The following RFX7 variants were observed in gnomAD, a reference collection of about 807,000 sequenced individuals.
The protein encoded by RFX7 is DNA-binding protein RFX7.
In RFX7, 26 loss-of-function variants were observed where a neutral mutation model predicts 111.8. That is an observed-to-expected ratio of 0.23 (90% confidence interval 0.17 to 0.32). RFX7 has a LOEUF of 0.32. Among genes scored for constraint, RFX7 ranks in the 10% least tolerant of loss-of-function variants. The probability of loss-of-function intolerance (pLI) is 1.00; values close to 1 mark genes in which losing one functional copy is unlikely to be tolerated. For synonymous variants in RFX7, 624 were observed against 624.4 expected (o/e 1.00, Z 0.01); for missense variants, 1,573 against 1,772.9 (o/e 0.89, Z 2.02).
chr15:56,143,264 T>A (rs373717743), intron 4 of RFX7, among the ~76,000 whole-genome samples: 1 of 152,096 alleles, frequency 6.6e-6, no homozygotes, highest in African/African-American at 2.4e-5. Flanking sequence ...AAAAATTGCT[T>A]ATTTCTATTT....
chr15:56,087,528 C>G lies in RFX7; in HGVS notation c.*5817G>C, dbSNP rs2041543102. ...AAGAACACTGCAAAGAAGTAGCACC[C>G]AAACCTTTTGGTTACATCTCTTTGA... On this transcript the variant is annotated 3_prime_UTR_variant, in exon 10 of 10. Transcript: ENST00000559447. The G allele has an allele frequency of 2.2e-6, 1 of 456,554 alleles. No individual in the cohort carries two copies. The highest frequency in any genetic ancestry group is 4.4e-6 in the Non-Finnish European group (1 of 226,950). 28.3% of individuals were successfully genotyped at this position (456,554 alleles called of 1,614,324 possible).
chr15:56,177,862 T>G (rs1015939087), intron 3 of RFX7, among the ~76,000 whole-genome samples: 12 of 152,100 alleles, frequency 7.9e-5, no homozygotes, highest in Admixed American at 2.0e-4. Flanking sequence ...GAGGAAATGC[T>G]CTGGGGGTTG....
intron 2 of RFX7, among the ~76,000 whole-genome samples, chr15:56,183,106 G>A (rs2042994087): frequency 6.6e-6 from 1 of 151,928 alleles, no homozygotes; most frequent in Admixed American, 6.6e-5. Flanking sequence ...TACTAGCAAT[G>A]TTGTGTGCCT....
At chr15:56,115,539 C>T (rs1265690524) in intron 5 of RFX7, among the ~76,000 whole-genome samples, 1 of 152,192 alleles carries the variant, frequency 6.6e-6, no homozygotes, top group Non-Finnish European at 1.5e-5. Context: ...AAGACACACA[C>T]ACACATATGT....
At chr15:56,180,926 TAAAAC>T (rs1472260248) in intron 2 of RFX7, among the ~76,000 whole-genome samples, 21 of 151,832 alleles carry the variant, frequency 1.4e-4, no homozygotes, top group African/African-American at 5.1e-4. Flanking sequence ...CCAAAAAAAA[TAAAAC>T]AAAATAAAGA....
At chr15:56,161,931 A>G (rs1223569098) in intron 3 of RFX7, among the ~76,000 whole-genome samples, 1 of 152,060 alleles carries the variant, frequency 6.6e-6, no homozygotes, top group African/African-American at 2.4e-5. Context: ...TTCTACAAAA[A>G]CTGACCATCA....
chr15:56,140,142 GC>G (rs1431807607), intron 5 of RFX7, among the ~76,000 whole-genome samples: 4 of 152,150 alleles, frequency 2.6e-5, no homozygotes, highest in Admixed American at 6.5e-5. Context: ...GGTGGGCTCC[GC>G]CCAGTTGGAG....
intron 2 of RFX7, 109 bp downstream of exon 2, chr15:56,243,016 A>G (rs1167907799): frequency 5.2e-6 from 4 of 768,524 alleles, no homozygotes; most frequent in African/African-American, 1.8e-5. Context: ...GCCACATTCA[A>G]TGAATGCATC....
intron 2 of RFX7, among the ~76,000 whole-genome samples, chr15:56,179,741 T>G (rs2042944859): frequency 1.4e-5 from 2 of 147,216 alleles, no homozygotes; most frequent in African/African-American, 5.1e-5. Context: ...AAAGATTCTG[T>G]TCCCTCCTCT....
At chr15:56,190,857 G>A (rs1360225861) in intron 2 of RFX7, among the ~76,000 whole-genome samples, 3 of 152,164 alleles carry the variant, frequency 2.0e-5, no homozygotes, top group African/African-American at 7.2e-5. Flanking sequence ...ATAACACTGT[G>A]CAAAAAGAAA....
intron 5 of RFX7, among the ~76,000 whole-genome samples, chr15:56,139,444 C>T (rs957069303): frequency 6.6e-5 from 10 of 152,328 alleles, no homozygotes; most frequent in African/African-American, 1.7e-4. Flanking sequence ...ACGTAGCTCT[C>T]GAACCTTGGT....
At chr15:56,221,287 A>G (rs2043424320) in intron 2 of RFX7, among the ~76,000 whole-genome samples, 1 of 152,186 alleles carries the variant, frequency 6.6e-6, no homozygotes, top group South Asian at 2.1e-4. Flanking sequence ...CTTTTAAAAA[A>G]CATTAATTCT....
At chr15:56,125,605 G>T (rs1237561970) in intron 5 of RFX7, among the ~76,000 whole-genome samples, 1 of 86,224 alleles carries the variant, frequency 1.2e-5, no homozygotes, top group South Asian at 5.4e-4. Flanking sequence ...TCTTCTGTGT[G>T]TGTGAGTGTG....
At chr15:56,103,724 A>AG (rs2041791031) in intron 5 of RFX7, 54 bp from the exon 6 acceptor site, 1 of 1,064,362 alleles carries the variant, frequency 9.4e-7, no homozygotes, top group Admixed American at 2.3e-5. Flanking sequence ...ATTATATCGC[A>AG]GGGTGCTATT....
chr15:56,130,473 A>G (rs2042197699), intron 5 of RFX7, among the ~76,000 whole-genome samples: 1 of 152,128 alleles, frequency 6.6e-6, no homozygotes, highest in Non-Finnish European at 1.5e-5. Flanking sequence ...AAGCAAAACG[A>G]TAATTCCACA....
At chr15:56,222,671 G>C (rs937257386) in intron 2 of RFX7, among the ~76,000 whole-genome samples, 15 of 151,928 alleles carry the variant, frequency 9.9e-5, no homozygotes, top group African/African-American at 3.1e-4. Flanking sequence ...TTCTTATTTA[G>C]AGCTCTACTT....
intron 5 of RFX7, among the ~76,000 whole-genome samples, chr15:56,134,386 A>G (rs1309587047): frequency 6.6e-6 from 1 of 152,192 alleles, no homozygotes; most frequent in African/African-American, 2.4e-5. Context: ...GGAACACTAC[A>G]GTAAATAAGT....
chr15:56,128,589 A>G (rs796367210), intron 5 of RFX7, among the ~76,000 whole-genome samples: 72 of 152,320 alleles, frequency 4.7e-4, no homozygotes, highest in African/African-American at 1.5e-3. Context: ...AAAAACCCAC[A>G]GATAATATCA....
rs58597217 is a variant in RFX7 at position 56,179,761 on chromosome 15, AACACACACACACACACACACACACAC to A, written c.162-484_162-459del. Reference sequence around the variant, plus strand: ...TTCTGTTCCCTCCTCTCTCTGTCTCAACACACACACACACACACACACACACACACACACACACACACACACACACA... The same window carrying A: ...TTCTGTTCCCTCCTCTCTCTGTCTCAACACACACACACACACACACACACA... On this transcript the variant is annotated intron_variant, in intron 2 of 9. Coordinates refer to ENST00000559447, the MANE Select transcript of RFX7 (RefSeq NM_022841.7). Among the ~76,000 whole-genome samples the A allele has an allele frequency of 4.0e-3, 554 of 137,406 alleles. 10 individuals carry two copies. The highest frequency in any genetic ancestry group is 0.014 in the African/African-American group (522 of 36,182). 90.1% of individuals were successfully genotyped at this position (137,406 alleles called of 152,430 possible).
Sources: allele counts gnomAD v4.1 joint callset (sites outside exome capture counted in the v4.1 genomes callset), GRCh38; gene constraint gnomAD v4.1.1; transcripts MANE v1.5; gene names NCBI Gene and HGNC (gene_info 2026-07-23, HGNC 2026-07-21).